ATG10: variants seen among roughly 807,000 people sequenced by gnomAD.
ATG10 encodes ubiquitin-like-conjugating enzyme ATG10.
In ATG10, 30 loss-of-function variants were observed where a neutral mutation model predicts 32.1. The observed-to-expected ratio is 0.94, with a 90% CI of 0.70 to 1.27. The LOEUF (loss-of-function observed/expected upper bound fraction) is 1.27. Ranked by LOEUF, ATG10 falls within the 50% of genes most tolerant of loss-of-function variation. The pLI is 0.00. For synonymous variants in ATG10, 87 were observed against 91.5 expected (o/e 0.95, Z 0.28); for missense variants, 233 against 262.3 (o/e 0.89, Z 0.77).
intron 2 of ATG10, among the ~76,000 whole-genome samples, chr5:82,018,148 C>G (rs1012273672): frequency 4.6e-5 from 7 of 152,180 alleles, no homozygotes; most frequent in African/African-American, 1.7e-4. Flanking sequence ...AACTCCTAGT[C>G]TCCCCGCTCC....
chr5:82,038,580 A>G (rs898872317), intron 2 of ATG10, among the ~76,000 whole-genome samples: 16 of 152,136 alleles, frequency 1.1e-4, no homozygotes, highest in African/African-American at 2.4e-4. Flanking sequence ...GAGGTGTCCA[A>G]TACACTGGGA....
intron 2 of ATG10, among the ~76,000 whole-genome samples, chr5:82,034,942 G>A (rs999124813): frequency 1.3e-5 from 2 of 151,978 alleles, no homozygotes; most frequent in East Asian, 1.9e-4. Flanking sequence ...TATCTGAGAT[G>A]GAGTCTCTCT....
Position 82,056,490 on chromosome 5 carries a change from C to T in ATG10, c.109-2005C>T, listed in dbSNP as rs572336190. On this transcript the variant is annotated intron_variant, in intron 2 of 7. Transcript: ENST00000282185. ...CAAACCTAGTGGAGAAGAGAACAGC[C>T]ACCTTTCCCAACCCCCCAAAACCAA... Among the ~76,000 whole-genome samples, 7 of 150,912 alleles carry T rather than the reference C, an allele frequency of 4.6e-5. No homozygotes were observed. In the East Asian group the frequency reaches 1.2e-3, roughly 25 times the overall value.
intron 2 of ATG10, among the ~76,000 whole-genome samples, chr5:82,016,445 A>AT (rs1181787503): frequency 6.6e-6 from 1 of 151,958 alleles, no homozygotes; most frequent in Non-Finnish European, 1.5e-5. Context: ...CTATAGGCTT[A>AT]TTTTTTACGA....
At chr5:82,133,221 G>A (rs558343211) in intron 3 of ATG10, among the ~76,000 whole-genome samples, 6 of 152,248 alleles carry the variant, frequency 3.9e-5, no homozygotes, top group African/African-American at 1.4e-4. Context: ...CTTTTGCGGT[G>A]CAGAAGCTCT....
intron 3 of ATG10, among the ~76,000 whole-genome samples, chr5:82,106,874 C>A (rs1233425608): frequency 6.6e-6 from 1 of 151,836 alleles, no homozygotes; most frequent in Non-Finnish European, 1.5e-5. Flanking sequence ...GCAATTTGAG[C>A]AGTCAGTGTA....
At chr5:82,152,609 C>G (rs1012978484) in intron 3 of ATG10, among the ~76,000 whole-genome samples, 1 of 152,170 alleles carries the variant, frequency 6.6e-6, no homozygotes, top group African/African-American at 2.4e-5. Flanking sequence ...CTTTTGGTGC[C>G]TGAGCAAAGA....
chr5:82,064,377 G>A (rs1180996389), intron 3 of ATG10, among the ~76,000 whole-genome samples: 1 of 151,374 alleles, frequency 6.6e-6, no homozygotes, highest in Non-Finnish European at 1.5e-5. Context: ...TTCTAAATTA[G>A]TTGTATTTGT....
chr5:82,015,325 G>T (rs978454766), intron 2 of ATG10, among the ~76,000 whole-genome samples: 22 of 152,174 alleles, frequency 1.4e-4, no homozygotes, highest in Admixed American at 2.0e-4. Flanking sequence ...TCTTCTCGAG[G>T]AGTATCTTTG....
At chr5:82,234,069 A>G (rs1561371192) in intron 5 of ATG10, among the ~76,000 whole-genome samples, 1 of 152,140 alleles carries the variant, frequency 6.6e-6, no homozygotes, top group Admixed American at 6.5e-5. Context: ...AACTAATGGA[A>G]GATAAGGGCG....
intron 2 of ATG10, among the ~76,000 whole-genome samples, chr5:82,027,276 G>C (rs1223548269): frequency 1.3e-5 from 2 of 152,030 alleles, no homozygotes; most frequent in Non-Finnish European, 2.9e-5. Flanking sequence ...GTGCATGCCT[G>C]TAGCCCTAGT....
intron 5 of ATG10, among the ~76,000 whole-genome samples, chr5:82,205,539 A>G (rs1745256016): frequency 6.6e-6 from 1 of 152,222 alleles, no homozygotes; most frequent in Non-Finnish European, 1.5e-5. Context: ...AACAGAAGCT[A>G]TAGACGACAA....
chr5:82,056,929 A>G (rs1013256899), intron 2 of ATG10, among the ~76,000 whole-genome samples: 4 of 152,186 alleles, frequency 2.6e-5, no homozygotes, highest in Admixed American at 1.3e-4. Flanking sequence ...GAAGGTTTCA[A>G]TGGTAGAAGA....
In ATG10 at chr5:82,199,645, C is replaced by A. The variant is rs1238332663; in HGVS notation, c.453+21058C>A. ...TTGCTCCGGTTTATTCATTTCCTTG[C>A]ATACAGAACATTATTTTAAAAAATT... On this transcript the variant is annotated intron_variant, in intron 5 of 7. Transcript: ENST00000282185. Among the ~76,000 whole-genome samples the A allele has an allele frequency of 2.6e-5, 4 of 152,192 alleles. No individual in the cohort carries two copies. In the East Asian group the frequency reaches 5.8e-4, roughly 22 times the overall value.
chr5:82,000,543 A>C (rs904523101), intron 2 of ATG10, among the ~76,000 whole-genome samples: 5 of 152,230 alleles, frequency 3.3e-5, no homozygotes, highest in Admixed American at 6.5e-5. Context: ...GTTTGTAGAT[A>C]ATATGATTCT....
At chr5:82,087,008 T>G (rs962979640) in intron 3 of ATG10, among the ~76,000 whole-genome samples, 1 of 152,200 alleles carries the variant, frequency 6.6e-6, no homozygotes, top group Non-Finnish European at 1.5e-5. Context: ...TTCAAAATAA[T>G]TGCCTTAATG....
At chr5:82,178,850 T>A (rs1038491815) in intron 5 of ATG10, among the ~76,000 whole-genome samples, 3 of 152,118 alleles carry the variant, frequency 2.0e-5, no homozygotes, top group African/African-American at 4.8e-5. Context: ...TTAGGATGAT[T>A]TAAAAAAATT....
chr5:82,120,362 A>G (rs1288491861), intron 3 of ATG10, among the ~76,000 whole-genome samples: 1 of 152,202 alleles, frequency 6.6e-6, no homozygotes, highest in Non-Finnish European at 1.5e-5. Context: ...AGTCTTCAAC[A>G]ATGCCATAGT....
At chr5:82,133,418 G>A (rs148799033) in intron 3 of ATG10, among the ~76,000 whole-genome samples, 192 of 152,180 alleles carry the variant, frequency 1.3e-3, no homozygotes, top group African/African-American at 4.2e-3. Context: ...TAAGGAAAGC[G>A]TCCAGTTTCA....
Sources: gnomAD v4.1 joint callset for allele counts (sites outside exome capture counted in the v4.1 genomes callset) on GRCh38, gnomAD v4.1.1 for gene constraint, MANE v1.5 for transcripts, NCBI Gene and HGNC (gene_info 2026-07-23, HGNC 2026-07-21) for gene names.